Variants in LARP1 observed in about 807,000 individuals in gnomAD.
The protein encoded by LARP1 is la-related protein 1.
Under a neutral mutation model 122.7 loss-of-function variants are expected in LARP1, and 36 were observed. That is an observed-to-expected ratio of 0.29 (90% CI 0.22 to 0.39). The LOEUF (loss-of-function observed/expected upper bound fraction) is 0.39, where lower values mean the gene tolerates loss of function less well. LARP1 is among the 10% of genes least tolerant of loss of function. The pLI is 1.00. For synonymous variants in LARP1, 539 were observed against 528.7 expected (o/e 1.02, Z -0.27); for missense variants, 1,040 against 1,403.6 (o/e 0.74, Z 4.14).
At chr5:154,730,131 T>C (rs1397520716) in intron 1 of LARP1, among the ~76,000 whole-genome samples, 1 of 152,196 alleles carries the variant, frequency 6.6e-6, no homozygotes, top group Non-Finnish European at 1.5e-5. Context: ...TGGACTGTTG[T>C]CCGTTTCCTA....
chr5:154,724,501 A>C (rs1322292631), intron 1 of LARP1, among the ~76,000 whole-genome samples: 1 of 152,202 alleles, frequency 6.6e-6, no homozygotes, highest in Non-Finnish European at 1.5e-5. Context: ...CATTTGTTTA[A>C]ATGGTGTCTA....
At chr5:154,697,203 T>TC (rs1491353195) in intron 1 of LARP1, among the ~76,000 whole-genome samples, 1 of 14,116 alleles carries the variant, frequency 7.1e-5, no homozygotes, top group East Asian at 1.0e-3. Flanking sequence ...GCTTTTTATC[T>TC]TTTTTTTTTT....
chr5:154,793,510 A>G (rs914108228), intron 4 of LARP1, 85 bp from the exon 5 acceptor site: 7 of 1,555,414 alleles, frequency 4.5e-6, no homozygotes, highest in Non-Finnish European at 6.2e-6. Context: ...GCCCAAGTCC[A>G]GGGCAGAAGA....
chr5:154,701,006 G>A (rs1017388280), intron 1 of LARP1, among the ~76,000 whole-genome samples: 4 of 151,960 alleles, frequency 2.6e-5, no homozygotes, highest in African/African-American at 7.2e-5. Context: ...ATAGCATCTC[G>A]CTATGTTGTC....
At chr5:154,793,541 G>C (rs1324424330) in intron 4 of LARP1, 54 bp from the exon 5 acceptor site, 1 of 1,612,144 alleles carries the variant, frequency 6.2e-7, no homozygotes, top group Non-Finnish European at 8.5e-7. Context: ...GGTAGAGCTG[G>C]CTAGGAGTGG....
chr5:154,717,157 A>G (rs1441089294), intron 1 of LARP1, among the ~76,000 whole-genome samples: 3 of 152,132 alleles, frequency 2.0e-5, no homozygotes, highest in Non-Finnish European at 4.4e-5. Context: ...AAACCAGAAG[A>G]AAGATCTGGC....
At chr5:154,763,763 T>G (rs1469620770) in intron 1 of LARP1, among the ~76,000 whole-genome samples, 2 of 149,782 alleles carry the variant, frequency 1.3e-5, no homozygotes, top group Non-Finnish European at 1.5e-5. Context: ...GCACTTTGGG[T>G]GGGAGGCCAA....
chr5:154,799,788 CT>C, intron 9 of LARP1, 29 bp downstream of exon 9: 1 of 1,613,282 alleles, frequency 6.2e-7, no homozygotes. Context: ...GAAGATTGCC[CT>C]TGTCCTCTGG....
intron 8 of LARP1, among the ~76,000 whole-genome samples, chr5:154,798,686 G>T (rs1019915028): frequency 1.3e-5 from 2 of 152,134 alleles, no homozygotes; most frequent in Admixed American, 1.3e-4. Context: ...TAGTGATAGA[G>T]TCTCGCTATT....
intron 1 of LARP1, among the ~76,000 whole-genome samples, chr5:154,770,848 C>T (rs1055936007): frequency 5.3e-5 from 8 of 152,078 alleles, no homozygotes; most frequent in African/African-American, 1.9e-4. Context: ...CACGGTGGCT[C>T]ATGCCTGTAA....
In LARP1 at chr5:154,803,005, G is replaced by A. The variant is rs183128194; in HGVS notation, c.2110-285G>A. ...AGATGGGGAAACACTGGAGCTTTCAGGGGGGAGTGTGTAGTGAGTTCCTGA... is the reference window on the plus strand; with the variant it reads ...AGATGGGGAAACACTGGAGCTTTCAAGGGGGAGTGTGTAGTGAGTTCCTGA... On this transcript the variant is annotated intron_variant, in intron 11 of 18. Coordinates refer to ENST00000518297, the MANE Select transcript of LARP1 (RefSeq NM_033551.3). The surrounding 1 kb of genome is among the most constrained non-coding windows in gnomAD (Gnocchi z 4.4). 6.7e-4 allele frequency among the ~76,000 whole-genome samples: 102 copies of A among 152,258 alleles called. No homozygotes were observed. Among genetic ancestry groups the A allele is most frequent in the African/African-American group, 2.3e-3 (96 of 41,552 alleles).
At chr5:154,768,830 C>G (rs1370884115) in intron 1 of LARP1, among the ~76,000 whole-genome samples, 1 of 152,220 alleles carries the variant, frequency 6.6e-6, no homozygotes, top group African/African-American at 2.4e-5. Context: ...ATCCACCCGC[C>G]TTGGCCTCCC....
chr5:154,770,498 A>C (rs182691833), intron 1 of LARP1, among the ~76,000 whole-genome samples: 1 of 152,034 alleles, frequency 6.6e-6, no homozygotes, highest in East Asian at 1.9e-4. Context: ...CTCCCTGCCC[A>C]TCCCTGGCTC....
intron 1 of LARP1, among the ~76,000 whole-genome samples, chr5:154,719,117 T>C (rs1381047878): frequency 6.6e-6 from 1 of 152,192 alleles, no homozygotes; most frequent in Admixed American, 6.5e-5. Context: ...CTGGCTGGGA[T>C]AGGGGCTAAG....
At chr5:154,693,581 C>T (rs957175427) in intron 1 of LARP1, among the ~76,000 whole-genome samples, 3 of 152,112 alleles carry the variant, frequency 2.0e-5, no homozygotes, top group Non-Finnish European at 2.9e-5. Context: ...CTCGACTGGG[C>T]GCGGTGGCTC....
rs111542657 is a variant in LARP1 at position 154,766,989 on chromosome 5, A to G, written c.436+10796A>G. Among the ~76,000 whole-genome samples the G allele has an allele frequency of 1.0e-3, 153 of 152,348 alleles. 1 individual carries two copies. The highest frequency in any genetic ancestry group is 3.6e-3 in the African/African-American group (149 of 41,586). ...GGAACTTCAAGCCCAGAAAGGAAATAGGAGTTGTTCAGGATTCCAGTCAAT... is the reference window on the plus strand; with the variant it reads ...GGAACTTCAAGCCCAGAAAGGAAATGGGAGTTGTTCAGGATTCCAGTCAAT... On this transcript the variant is annotated intron_variant, in intron 1 of 18. Coordinates refer to ENST00000518297, the MANE Select transcript of LARP1 (RefSeq NM_033551.3).
chr5:154,793,536 A>G, intron 4 of LARP1, 59 bp from the exon 5 acceptor site: 1 of 1,609,936 alleles, frequency 6.2e-7, no homozygotes, highest in South Asian at 1.1e-5. Context: ...AGTTGGGTAG[A>G]GCTGGCTAGG....
chr5:154,725,478 A>C (rs1756153309), intron 1 of LARP1, among the ~76,000 whole-genome samples: 1 of 151,830 alleles, frequency 6.6e-6, no homozygotes, highest in East Asian at 1.9e-4. Flanking sequence ...TGAGTTCAGA[A>C]GGTTGAGGCT....
intron 1 of LARP1, among the ~76,000 whole-genome samples, chr5:154,713,458 G>A (rs1308926012): frequency 6.6e-6 from 1 of 152,208 alleles, no homozygotes; most frequent in Non-Finnish European, 1.5e-5. Context: ...TAGCCAATCA[G>A]TGTTTTTTGG....
Sources: allele counts gnomAD v4.1 joint callset (sites outside exome capture counted in the v4.1 genomes callset), GRCh38; gene constraint gnomAD v4.1.1; non-coding constraint Gnocchi (gnomAD v3.1); transcripts MANE v1.5; gene names NCBI Gene and HGNC (gene_info 2026-07-23, HGNC 2026-07-21).